Variants in GPR176 observed in about 807,000 individuals in gnomAD.
GPR176 encodes the protein G-protein coupled receptor 176.
In GPR176, 26 loss-of-function variants were observed where a neutral mutation model predicts 35.4. The ratio of observed to expected loss-of-function variants is 0.74; its 90% CI spans 0.54 to 1.02. The LOEUF is 1.02. Ranked by LOEUF, GPR176 falls within the 50% of genes least tolerant of loss-of-function variation. The pLI, the probability that GPR176 is intolerant of heterozygous loss-of-function variation, is 0.00. For synonymous variants in GPR176, 278 were observed against 271.3 expected (o/e 1.02, Z -0.24); for missense variants, 597 against 665.3 (o/e 0.90, Z 1.13).
At chr15:39,846,721 T>G (rs981037166) in intron 1 of GPR176, among the ~76,000 whole-genome samples, 13 of 152,108 alleles carry the variant, frequency 8.5e-5, no homozygotes, top group African/African-American at 2.9e-4. Context: ...AAGCCAGAAT[T>G]GAATATCCAG....
At chr15:39,850,355 C>T (rs1417117370) in intron 1 of GPR176, among the ~76,000 whole-genome samples, 2 of 152,312 alleles carry the variant, frequency 1.3e-5, no homozygotes, top group South Asian at 2.1e-4. Context: ...TTGCTAAGCA[C>T]ATGACTATAC....
intron 1 of GPR176, among the ~76,000 whole-genome samples, chr15:39,886,428 C>T (rs960748643): frequency 3.3e-5 from 5 of 151,962 alleles, no homozygotes; most frequent in Non-Finnish European, 7.4e-5. Context: ...TCACTTCATC[C>T]CCCACCCCCA....
intron 1 of GPR176, among the ~76,000 whole-genome samples, chr15:39,821,599 T>C (rs1289502046): frequency 6.6e-6 from 1 of 152,206 alleles, no homozygotes; most frequent in Admixed American, 6.5e-5. Flanking sequence ...AGTGACATGC[T>C]GCAACTCTTT....
intron 1 of GPR176, among the ~76,000 whole-genome samples, chr15:39,850,052 T>C (rs898540317): frequency 6.6e-6 from 1 of 152,158 alleles, no homozygotes; most frequent in Admixed American, 6.5e-5. Context: ...AAAAGATTTT[T>C]AAAATGGTAC....
chr15:39,848,658 G>C (rs148485583), intron 1 of GPR176, among the ~76,000 whole-genome samples: 1 of 151,928 alleles, frequency 6.6e-6, no homozygotes, highest in South Asian at 2.1e-4. Flanking sequence ...GTAAAAGAAA[G>C]ACAACAGAAA....
Position 39,811,313 on chromosome 15 carries a change from G to A in GPR176, c.173-4055C>T, listed in dbSNP as rs80103743. On this transcript the variant is annotated intron_variant, in intron 1 of 2. Transcript: ENST00000561100. ...CAAGTGGCCGAGACTACAGATGCAC[G>A]CCACTCTACCCAGCTAGAACATTTA... Among the ~76,000 whole-genome samples the A allele has an allele frequency of 1.8e-3, 271 of 152,014 alleles. 5 individuals carry two copies. In the East Asian group the frequency reaches 0.048, roughly 27 times the overall value.
At chr15:39,884,921 A>G (rs549936605) in intron 1 of GPR176, among the ~76,000 whole-genome samples, 9 of 152,352 alleles carry the variant, frequency 5.9e-5, no homozygotes, top group East Asian at 1.9e-4. Context: ...ATAAGGAATA[A>G]TAAAAGCATG....
intron 1 of GPR176, among the ~76,000 whole-genome samples, chr15:39,904,109 G>A (rs909340892): frequency 2.0e-5 from 3 of 152,128 alleles, no homozygotes; most frequent in African/African-American, 7.2e-5. Flanking sequence ...CAGTGAATAC[G>A]GCCAGAGGTC....
intron 1 of GPR176, among the ~76,000 whole-genome samples, chr15:39,866,879 T>C (rs2031853204): frequency 6.6e-6 from 1 of 151,970 alleles, no homozygotes; most frequent in African/African-American, 2.4e-5. Flanking sequence ...TTGGAAAGCA[T>C]ACAAAGGGGG....
intron 1 of GPR176, among the ~76,000 whole-genome samples, chr15:39,875,331 G>A (rs1286940526): frequency 6.6e-6 from 1 of 152,066 alleles, no homozygotes; most frequent in African/African-American, 2.4e-5. Flanking sequence ...AATACAAATT[G>A]GAATTTCTAT....
At chr15:39,825,240 GA>G (rs2140817575) in intron 1 of GPR176, among the ~76,000 whole-genome samples, 1 of 152,198 alleles carries the variant, frequency 6.6e-6, no homozygotes, top group East Asian at 1.9e-4. Flanking sequence ...TAGGAAGAAA[GA>G]AAAATTACCT....
intron 1 of GPR176, among the ~76,000 whole-genome samples, chr15:39,912,572 C>T (rs117310215): frequency 0.036 from 5,350 of 150,310 alleles, 85 homozygotes; most frequent in South Asian, 0.052. Flanking sequence ...GAGCTGTGAT[C>T]GCACCACTTC....
chr15:39,898,317 C>T (rs2033178818), intron 1 of GPR176, among the ~76,000 whole-genome samples: 1 of 152,014 alleles, frequency 6.6e-6, no homozygotes, highest in African/African-American at 2.4e-5. Flanking sequence ...GTAAGATTGA[C>T]CACTACCATG....
intron 1 of GPR176, among the ~76,000 whole-genome samples, chr15:39,830,233 T>G (rs949343563): frequency 6.6e-6 from 1 of 152,214 alleles, no homozygotes; most frequent in African/African-American, 2.4e-5. Context: ...ATAGTTTACT[T>G]ATTCAACAAA....
intron 1 of GPR176, among the ~76,000 whole-genome samples, chr15:39,874,787 T>C: frequency 6.6e-6 from 1 of 152,144 alleles, no homozygotes. Flanking sequence ...CTCATGTGTG[T>C]AATCCCAGCA....
At chr15:39,852,582 C>T (rs1210560294) in intron 1 of GPR176, among the ~76,000 whole-genome samples, 1 of 152,184 alleles carries the variant, frequency 6.6e-6, no homozygotes, top group Non-Finnish European at 1.5e-5. Flanking sequence ...AGAGGAATCC[C>T]AGATGGGTCT....
At chr15:39,886,500 T>G (rs1373128092) in intron 1 of GPR176, among the ~76,000 whole-genome samples, 1 of 152,192 alleles carries the variant, frequency 6.6e-6, no homozygotes, top group Non-Finnish European at 1.5e-5. Flanking sequence ...TGTGTTGTTT[T>G]TCCCTCAACG....
chr15:39,829,293 T>G lies in GPR176; in HGVS notation c.173-22035A>C, dbSNP rs796786301. Reference sequence around the variant, plus strand: ...ATCAGAATGGATCAGGGAAAGAACTTGGTGAGAGTAAGAAAGCCATGAGGT... The same window carrying G: ...ATCAGAATGGATCAGGGAAAGAACTGGGTGAGAGTAAGAAAGCCATGAGGT... On this transcript the variant is annotated intron_variant, in intron 1 of 2. Transcript: ENST00000561100. 10 of 1,405,288 alleles carry G rather than the reference T, an allele frequency of 7.1e-6. No homozygotes were observed. In the African/African-American group the frequency reaches 8.7e-5, roughly 12 times the overall value. 87.1% of individuals were successfully genotyped at this position (1,405,288 alleles called of 1,614,324 possible).
At chr15:39,884,066 A>C (rs942592936) in intron 1 of GPR176, among the ~76,000 whole-genome samples, 2 of 152,210 alleles carry the variant, frequency 1.3e-5, no homozygotes, top group Non-Finnish European at 2.9e-5. Context: ...ATCTCTCAGA[A>C]GCAGTTACCA....
Sources: gnomAD v4.1 joint callset for allele counts (sites outside exome capture counted in the v4.1 genomes callset) on GRCh38, gnomAD v4.1.1 for gene constraint, MANE v1.5 for transcripts, NCBI Gene and HGNC (gene_info 2026-07-23, HGNC 2026-07-21) for gene names.